ADGRA3: variants seen among roughly 807,000 people sequenced by gnomAD.
ADGRA3 encodes adhesion G protein-coupled receptor A3.
In ADGRA3, 56 loss-of-function variants were observed where a neutral mutation model predicts 119.8. The ratio of observed to expected loss-of-function variants is 0.47; its 90% CI spans 0.38 to 0.58. The LOEUF (loss-of-function observed/expected upper bound fraction) is 0.58. Among genes scored for constraint, ADGRA3 ranks in the 20% least tolerant of loss-of-function variants. The pLI, the probability that ADGRA3 is intolerant of heterozygous loss-of-function variation, is 0.00. For missense variants in ADGRA3, 1,516 were observed against 1,649.0 expected (o/e 0.92, Z 1.40); for synonymous variants, 607 against 623.8 (o/e 0.97, Z 0.40).
chr4:22,419,928 G>C (rs1240815264), intron 12 of ADGRA3: 1 of 152,486 alleles, frequency 6.6e-6, no homozygotes, highest in African/African-American at 2.4e-5. Context: ...ATTATTATCA[G>C]ACATTTTGAC....
intron 1 of ADGRA3, among the ~76,000 whole-genome samples, chr4:22,498,225 C>T (rs1314098801): frequency 1.4e-5 from 2 of 147,306 alleles, no homozygotes; most frequent in Admixed American, 6.9e-5. Context: ...ACAGCCTGGG[C>T]AACAAAAGCG....
At chr4:22,479,235 G>C in intron 1 of ADGRA3, among the ~76,000 whole-genome samples, 1 of 152,062 alleles carries the variant, frequency 6.6e-6, no homozygotes, top group East Asian at 1.9e-4. Context: ...AGGCCGAGGC[G>C]GGCGGATCAT....
chr4:22,499,093 G>A (rs543480940), intron 1 of ADGRA3, among the ~76,000 whole-genome samples: 47 of 152,268 alleles, frequency 3.1e-4, no homozygotes, highest in Admixed American at 2.7e-3. Context: ...TGAGGCTTAA[G>A]TACAAGTAGC....
chr4:22,506,987 C>T (rs1719260473), intron 1 of ADGRA3, among the ~76,000 whole-genome samples: 1 of 152,056 alleles, frequency 6.6e-6, no homozygotes, highest in Non-Finnish European at 1.5e-5. Flanking sequence ...GTTGTAATCC[C>T]AGCACTTTGG....
intron 1 of ADGRA3, among the ~76,000 whole-genome samples, chr4:22,503,541 C>T (rs963208252): frequency 6.6e-6 from 1 of 152,194 alleles, no homozygotes; most frequent in Non-Finnish European, 1.5e-5. Flanking sequence ...GAAGGAGGCA[C>T]AACCTGCTTT....
chr4:22,508,658 C>A (rs1234025364), intron 1 of ADGRA3, among the ~76,000 whole-genome samples: 7 of 152,160 alleles, frequency 4.6e-5, no homozygotes, highest in African/African-American at 9.7e-5. Flanking sequence ...TTGCTCCTCT[C>A]TCCCTTGGCT....
chr4:22,507,772 T>G (rs1267707842), intron 1 of ADGRA3, among the ~76,000 whole-genome samples: 1 of 152,192 alleles, frequency 6.6e-6, no homozygotes, highest in Non-Finnish European at 1.5e-5. Context: ...GCAAGATTTC[T>G]GAGCAATATT....
chr4:22,505,177 G>C (rs1166429030), intron 1 of ADGRA3, among the ~76,000 whole-genome samples: 1 of 152,124 alleles, frequency 6.6e-6, no homozygotes, highest in East Asian at 1.9e-4. Context: ...GCAGATGACT[G>C]TGTGAGTCAC....
At chr4:22,453,699 A>G (rs1717141997) in intron 4 of ADGRA3, among the ~76,000 whole-genome samples, 2 of 152,204 alleles carry the variant, frequency 1.3e-5, no homozygotes, top group Non-Finnish European at 2.9e-5. Flanking sequence ...ACATGATTTC[A>G]TGCCATTTTC....
rs1328481638 is a variant in ADGRA3, at chr4:22,480,862, T to C, written c.258-7019A>G. 2.0e-5 allele frequency among the ~76,000 whole-genome samples: 3 copies of C among 152,202 alleles called. No individual in the cohort carries two copies. In the East Asian group the frequency reaches 5.8e-4, roughly 30 times the overall value. On this transcript the variant is annotated intron_variant, in intron 1 of 18. Transcript: ENST00000334304. ...CACTTTAGGTATTCACACAGAAAGA[T>C]CAAGGCATATATTTACATATTTAAA...
chr4:22,404,814 A>G (rs1434860761), intron 14 of ADGRA3, among the ~76,000 whole-genome samples: 1 of 152,228 alleles, frequency 6.6e-6, no homozygotes, highest in Admixed American at 6.5e-5. Flanking sequence ...AGGGAAATTC[A>G]AAGAAATGTT....
At chr4:22,413,919 AT>A (rs1560304290) in intron 12 of ADGRA3, 105 bp from the exon 13 acceptor site, 2 of 699,744 alleles carry the variant, frequency 2.9e-6, no homozygotes, top group Non-Finnish European at 4.5e-6. Flanking sequence ...GGTTGACTTC[AT>A]TTTTTAAATT....
rs780722256 is a variant in ADGRA3, at chr4:22,413,729, G to C, written c.1895C>G (p.Ser632Cys). The change falls in exon 13 of 19, where the codon TCT becomes TGT. Residue 632 changes from serine (S) to cysteine (C), a missense_variant. Physicochemically the swap from Ser to Cys is moderately radical, Grantham distance 112 (BLOSUM62 -1). Transcript: ENST00000334304. ...TGCAATGAGTTGAAGCTTGTAAAGAGAGTCATCAGTTGGTCTGAGTTCTCT... is the reference window on the plus strand; with the variant it reads ...TGCAATGAGTTGAAGCTTGTAAAGACAGTCATCAGTTGGTCTGAGTTCTCT... ...QKRELRPTDDSLYKLQLIAFR... is the reference protein window; with the variant it reads ...QKRELRPTDDCLYKLQLIAFR... 1.3e-5 allele frequency: 21 copies of C among 1,613,806 alleles called. No homozygotes were observed. The highest frequency in any genetic ancestry group is 6.7e-5 in the African/African-American group (5 of 74,920).
At chr4:22,505,061 C>T (rs560343158) in intron 1 of ADGRA3, among the ~76,000 whole-genome samples, 4 of 152,152 alleles carry the variant, frequency 2.6e-5, no homozygotes, top group Admixed American at 2.6e-4. Context: ...TAGTGCAAAG[C>T]GCTCTGGCCA....
At chr4:22,447,415 A>AG (rs776706953) in intron 5 of ADGRA3, 25 bp downstream of exon 5, 19 of 1,356,226 alleles carry the variant, frequency 1.4e-5, no homozygotes, top group Admixed American at 4.9e-5. Context: ...CAAAAAAAAA[A>AG]AGAGAGAAAA....
chr4:22,463,923 T>C (rs1377164108), intron 2 of ADGRA3, among the ~76,000 whole-genome samples: 2 of 152,144 alleles, frequency 1.3e-5, no homozygotes, highest in East Asian at 1.9e-4. Context: ...CTCAAGAACG[T>C]TGCTCTGGAA....
intron 1 of ADGRA3, among the ~76,000 whole-genome samples, chr4:22,491,060 T>C (rs1362408946): frequency 6.6e-6 from 1 of 152,140 alleles, no homozygotes; most frequent in Non-Finnish European, 1.5e-5. Context: ...ACGTTCTGGG[T>C]GTCCAGCTGA....
At chr4:22,513,758 C>T (rs1020073041) in intron 1 of ADGRA3, among the ~76,000 whole-genome samples, 21 of 150,040 alleles carry the variant, frequency 1.4e-4, no homozygotes, top group Admixed American at 1.1e-3. Context: ...GGGATCCACC[C>T]GCTTTGACCT....
chr4:22,414,343 A>G, intron 12 of ADGRA3: 1 of 352,234 alleles, frequency 2.8e-6, no homozygotes, highest in East Asian at 4.7e-5. Context: ...AATTTCCTTG[A>G]GACTAGGAAA....
Sources: allele counts gnomAD v4.1 joint callset (sites outside exome capture counted in the v4.1 genomes callset), GRCh38; gene constraint gnomAD v4.1.1; transcripts MANE v1.5; gene names NCBI Gene and HGNC (gene_info 2026-07-23, HGNC 2026-07-21).